Variants in XPO4 observed in about 807,000 individuals in gnomAD.
XPO4 encodes the protein exportin 4, also known as exportin-4.
Under a neutral mutation model 143.0 loss-of-function variants are expected in XPO4, and 39 were observed. The observed-to-expected ratio is 0.27, with a 90% CI of 0.21 to 0.36. XPO4 has a LOEUF of 0.36. Ranked by LOEUF, XPO4 falls within the 10% of genes least tolerant of loss-of-function variation. XPO4 has a pLI of 1.00. For missense variants in XPO4, 907 were observed against 1,348.0 expected (o/e 0.67, Z 5.12); for synonymous variants, 439 against 474.0 (o/e 0.93, Z 0.96).
intron 3 of XPO4, among the ~76,000 whole-genome samples, chr13:20,858,689 G>C (rs2060167640): frequency 1.3e-5 from 2 of 151,858 alleles, no homozygotes; most frequent in African/African-American, 4.8e-5. Context: ...GGCCAAAATG[G>C]TGAAACCCCG....
At chr13:20,795,239 T>C (rs1379136139) in intron 18 of XPO4, among the ~76,000 whole-genome samples, 2 of 152,172 alleles carry the variant, frequency 1.3e-5, no homozygotes, top group Non-Finnish European at 2.9e-5. Context: ...ACAGGATCCA[T>C]TTTGTTTGAA....
intron 2 of XPO4, 87 bp downstream of exon 2, chr13:20,868,509 A>G: frequency 6.8e-7 from 1 of 1,480,056 alleles, no homozygotes; most frequent in Non-Finnish European, 8.9e-7. Flanking sequence ...GGTTTTTAAA[A>G]AGGAATTTAA....
chr13:20,864,007 A>G (rs1267760117), intron 2 of XPO4, among the ~76,000 whole-genome samples: 2 of 152,248 alleles, frequency 1.3e-5, no homozygotes, highest in Non-Finnish European at 2.9e-5. Flanking sequence ...AGACTACTAC[A>G]CAGGAGTTTT....
At position 20,777,947 on chromosome 13, in the gene XPO4, G is replaced by GTT. The variant is rs2059103087; in HGVS notation, c.*5773_*5774dup. On this transcript the variant is annotated 3_prime_UTR_variant, in exon 23 of 23. Coordinates refer to ENST00000255305, the MANE Select transcript of XPO4 (RefSeq NM_022459.5). The stretch of plus-strand genomic sequence containing the variant: ...TCACCAAATATACCATTTCCACTTA[G>GTT]TTTTAAAAGAAAGTCAAACTGAACT... 1 of 152,094 alleles carries GTT rather than the reference G, an allele frequency of 6.6e-6. No individual in the cohort carries two copies. The highest frequency in any genetic ancestry group is 1.5e-5 in the Non-Finnish European group (1 of 68,024). The allele number at this position is 152,094 out of a possible 1,614,324, so 9.4% of individuals were successfully genotyped here.
At chr13:20,821,316 A>G (rs994171059) in intron 9 of XPO4, among the ~76,000 whole-genome samples, 1 of 151,970 alleles carries the variant, frequency 6.6e-6, no homozygotes, top group Non-Finnish European at 1.5e-5. Context: ...TTCTCAAAAA[A>G]AAAAAAAATT....
chr13:20,807,717 T>G, intron 12 of XPO4, 83 bp from the exon 13 acceptor site: 1 of 1,039,988 alleles, frequency 9.6e-7, no homozygotes, highest in Non-Finnish European at 1.3e-6. Flanking sequence ...CAGTTTGATT[T>G]ATATACATCA....
intron 1 of XPO4, among the ~76,000 whole-genome samples, chr13:20,881,914 T>A (rs1595158992): frequency 6.6e-6 from 1 of 151,050 alleles, no homozygotes; most frequent in African/African-American, 2.4e-5. Flanking sequence ...TTGAGACCAG[T>A]CTGGCCAACA....
In XPO4 at chr13:20,807,643, TA is replaced by T. The variant is rs1296389193; in HGVS notation, c.1640-10del. 32 of 1,546,562 alleles carry T rather than the reference TA, an allele frequency of 2.1e-5. No individual in the cohort carries two copies. The highest frequency in any genetic ancestry group is 7.7e-5 in the South Asian group (6 of 78,396). On this transcript the variant is annotated splice_polypyrimidine_tract_variant and intron_variant, in intron 12 of 22. Transcript: ENST00000255305. ...ATCAGCTAAGAGGTAGCCTTCAGTT[TA>T]AAAAAAATTAAAAATGAACACTTAA...
intron 6 of XPO4, among the ~76,000 whole-genome samples, chr13:20,834,437 T>C (rs548894820): frequency 1.2e-3 from 181 of 151,396 alleles, no homozygotes; most frequent in African/African-American, 4.0e-3. Flanking sequence ...CCAGGCATCA[T>C]GATGCGTGCC....
At chr13:20,858,024 C>A in intron 3 of XPO4, 1 of 976,530 alleles carries the variant, frequency 1.0e-6, no homozygotes, top group Middle Eastern at 5.3e-4. Flanking sequence ...AAACGTTTAA[C>A]TTGAATCTAA....
At chr13:20,871,072 T>G (rs138838796) in intron 1 of XPO4, among the ~76,000 whole-genome samples, 5 of 152,314 alleles carry the variant, frequency 3.3e-5, no homozygotes, top group Non-Finnish European at 7.3e-5. Flanking sequence ...CCTCCCAAAG[T>G]GCTAGGATTA....
At chr13:20,816,964 G>A (rs539033578) in intron 9 of XPO4, among the ~76,000 whole-genome samples, 1 of 152,312 alleles carries the variant, frequency 6.6e-6, no homozygotes, top group South Asian at 2.1e-4. Flanking sequence ...TATCTTTTAA[G>A]CAGAGGAAAT....
intron 2 of XPO4, among the ~76,000 whole-genome samples, chr13:20,863,723 C>A (rs1206312665): frequency 6.6e-6 from 1 of 152,132 alleles, no homozygotes; most frequent in Non-Finnish European, 1.5e-5. Context: ...AAATAACCAT[C>A]ATGTGAAATC....
intron 18 of XPO4, among the ~76,000 whole-genome samples, chr13:20,792,524 G>C (rs1387564558): frequency 6.6e-6 from 1 of 152,006 alleles, no homozygotes; most frequent in Non-Finnish European, 1.5e-5. Context: ...AGCCAAGATG[G>C]CGCCACCGCA....
intron 1 of XPO4, among the ~76,000 whole-genome samples, chr13:20,892,021 T>G (rs887260165): frequency 4.1e-5 from 6 of 147,954 alleles, no homozygotes; most frequent in East Asian, 2.4e-4. Flanking sequence ...GACAAGTTTT[T>G]TTTTGTTTTG....
chr13:20,812,145 T>C (rs1232236857), intron 9 of XPO4, among the ~76,000 whole-genome samples: 4 of 151,776 alleles, frequency 2.6e-5, no homozygotes, highest in African/African-American at 9.7e-5. Context: ...CTGAGGTAGG[T>C]GAATCACCTG....
Position 20,836,719 on chromosome 13 carries a change from A to G in XPO4, c.727+6176T>C, listed in dbSNP as rs983980109. On this transcript the variant is annotated intron_variant, in intron 6 of 22. Coordinates refer to ENST00000255305, the MANE Select transcript of XPO4 (RefSeq NM_022459.5). ...AATTTACCCACTGAGTGTACAGCTC[A>G]ATGGTTTTAGCATATTCACAGATGT... Among the ~76,000 whole-genome samples the G allele has an allele frequency of 2.8e-4, 43 of 152,220 alleles. 2 individuals carry two copies. Among genetic ancestry groups the G allele is most frequent in the Non-Finnish European group, 1.5e-5 (1 of 68,038 alleles).
chr13:20,838,171 C>T (rs1254045719), intron 6 of XPO4, among the ~76,000 whole-genome samples: 3 of 152,156 alleles, frequency 2.0e-5, no homozygotes, highest in Admixed American at 6.5e-5. Context: ...AGCATTAATG[C>T]CCTTAAATAT....
intron 1 of XPO4, among the ~76,000 whole-genome samples, chr13:20,898,557 T>C (rs1353925086): frequency 1.3e-5 from 2 of 151,588 alleles, no homozygotes; most frequent in Admixed American, 6.6e-5. Context: ...AGTAAGACTG[T>C]CTCAAAAGAA....
Sources: gnomAD v4.1 joint callset for allele counts (sites outside exome capture counted in the v4.1 genomes callset) on GRCh38, gnomAD v4.1.1 for gene constraint, MANE v1.5 for transcripts, NCBI Gene and HGNC (gene_info 2026-07-23, HGNC 2026-07-21) for gene names.